Variants in RANBP2 observed in about 807,000 individuals in gnomAD.
RANBP2 encodes the protein E3 SUMO-protein ligase RanBP2.
RANBP2 carries 57 observed loss-of-function variants against 303.6 expected under a neutral mutation model. That is an observed-to-expected ratio of 0.19 (90% CI 0.15 to 0.23). RANBP2 has a LOEUF of 0.23. RANBP2 is among the 10% of genes least tolerant of loss of function. The probability of loss-of-function intolerance (pLI) is 1.00; values close to 1 mark genes in which losing one functional copy is unlikely to be tolerated. For synonymous variants in RANBP2, 1,167 were observed against 1,301.5 expected, an observed-to-expected ratio of 0.90 and a Z score of 2.23; for missense variants, 3,138 against 3,780.8, an observed-to-expected ratio of 0.83 and a Z score of 4.46.
the RANBP2 span, among the ~76,000 whole-genome samples, chr2:109,403,406 C>T: frequency 6.6e-6 from 1 of 152,208 alleles, no homozygotes; most frequent in Non-Finnish European, 1.5e-5. Flanking sequence ...TCATTGTTTC[C>T]ACTTCAGAGA....
chr2:108,721,256 T>A (rs1019882737), intron 1 of RANBP2, among the ~76,000 whole-genome samples: 2 of 152,132 alleles, frequency 1.3e-5, no homozygotes, highest in Non-Finnish European at 2.9e-5. Context: ...TGGGTCTGAT[T>A]TAGTTTCTCT....
At chr2:109,136,167 G>A in the RANBP2 span, among the ~76,000 whole-genome samples, 2 of 151,980 alleles carry the variant, frequency 1.3e-5, no homozygotes, top group Admixed American at 6.6e-5. Context: ...GTGCATTTCC[G>A]TTTGATCTGT....
the RANBP2 span, among the ~76,000 whole-genome samples, chr2:109,247,048 TCACAA>T: frequency 6.3e-4 from 96 of 152,342 alleles, no homozygotes; most frequent in Non-Finnish European, 1.1e-3. Context: ...TTTCCTGTAG[TCACAA>T]CTACATTCAA....
At chr2:109,441,591 G>A in the RANBP2 span, among the ~76,000 whole-genome samples, 1 of 152,212 alleles carries the variant, frequency 6.6e-6, no homozygotes, top group Non-Finnish European at 1.5e-5. Context: ...GTAATTGGAG[G>A]TCTCCAATGT....
At chr2:108,876,214 A>T in the RANBP2 span, 15 of 1,613,052 alleles carry the variant, frequency 9.3e-6, no homozygotes, top group Non-Finnish European at 1.3e-5. Context: ...ATCTGGGTTT[A>T]ACAAAATGTA....
chr2:108,882,317 CA>C, the RANBP2 span: 1 of 152,108 alleles, frequency 6.6e-6, no homozygotes, highest in East Asian at 1.9e-4. Flanking sequence ...AGGGTTGCCA[CA>C]AATCTTCAAT....
the RANBP2 span, among the ~76,000 whole-genome samples, chr2:109,765,326 A>G: frequency 1.3e-5 from 2 of 149,244 alleles, 1 homozygote; most frequent in South Asian, 4.4e-4. Flanking sequence ...GCATCATGAA[A>G]TAACGCTTAT....
the RANBP2 span, among the ~76,000 whole-genome samples, chr2:109,403,264 C>T: frequency 2.0e-5 from 3 of 152,186 alleles, no homozygotes; most frequent in South Asian, 2.1e-4. Flanking sequence ...GTTAGGGGTG[C>T]GTCTGTAGTT....
At chr2:109,644,132 CAAAAAAACA>C in the RANBP2 span, among the ~76,000 whole-genome samples, 1 of 49,342 alleles carries the variant, frequency 2.0e-5, no homozygotes, top group Non-Finnish European at 5.2e-5. Context: ...AAAAAAAAAA[CAAAAAAACA>C]AAAAAAAACT....
the RANBP2 span, among the ~76,000 whole-genome samples, chr2:109,084,287 G>A: frequency 2.2e-4 from 34 of 152,328 alleles, no homozygotes; most frequent in African/African-American, 4.6e-4. Flanking sequence ...TGTTGAGACC[G>A]AAAAACATCT....
chr2:109,305,663 C>T, the RANBP2 span, among the ~76,000 whole-genome samples: 2 of 152,220 alleles, frequency 1.3e-5, no homozygotes, highest in Non-Finnish European at 2.9e-5. Flanking sequence ...TCAGCATTCG[C>T]TCAGTTCCAC....
the RANBP2 span, among the ~76,000 whole-genome samples, chr2:109,372,961 A>T: frequency 6.6e-6 from 1 of 152,234 alleles, no homozygotes; most frequent in African/African-American, 2.4e-5. Context: ...TTAGCTTAGC[A>T]TTCAAAGCCC....
the RANBP2 span, among the ~76,000 whole-genome samples, chr2:109,253,628 G>T: frequency 3.3e-5 from 5 of 152,154 alleles, no homozygotes; most frequent in East Asian, 9.7e-4. Context: ...GCCTGTGCTT[G>T]GGGCTGTGCT....
At chr2:109,565,262 C>T in the RANBP2 span, among the ~76,000 whole-genome samples, 1 of 151,966 alleles carries the variant, frequency 6.6e-6, no homozygotes, top group Non-Finnish European at 1.5e-5. Context: ...GTAATCTATT[C>T]ACCATTAATT....
chr2:109,413,927 C>T, the RANBP2 span, among the ~76,000 whole-genome samples: 1 of 152,262 alleles, frequency 6.6e-6, no homozygotes, highest in Non-Finnish European at 1.5e-5. Context: ...CAGGGGCAGT[C>T]ACCTGCCCCA....
chr2:109,644,680 C>CTCTTTATCCCCAAGGGCA, the RANBP2 span, among the ~76,000 whole-genome samples: 6 of 152,150 alleles, frequency 3.9e-5, no homozygotes, highest in Non-Finnish European at 5.9e-5. Context: ...ATGTGAAACA[C>CTCTTTATCCCCAAGGGCA]TGTTTTCCCG....
chr2:109,465,036 T>G, the RANBP2 span, among the ~76,000 whole-genome samples: 1 of 152,248 alleles, frequency 6.6e-6, no homozygotes, highest in Non-Finnish European at 1.5e-5. Flanking sequence ...AGATTTGCCT[T>G]TTCTAGATTG....
At chr2:108,790,559 G>A (rs1032025519), downstream of RANBP2, among the ~76,000 whole-genome samples, 8 of 151,910 alleles carry the variant, frequency 5.3e-5, no homozygotes, top group African/African-American at 1.5e-4. Flanking sequence ...AAAATTAGCC[G>A]GGCATGGTGG....
chr2:109,240,099 G>C, the RANBP2 span, among the ~76,000 whole-genome samples: 2 of 152,184 alleles, frequency 1.3e-5, no homozygotes, highest in Non-Finnish European at 2.9e-5. Flanking sequence ...GTATTGCATA[G>C]TGGGTGAACC....
Sources: gnomAD v4.1 joint callset for allele counts (sites outside exome capture counted in the v4.1 genomes callset) on GRCh38, gnomAD v4.1.1 for gene constraint, MANE v1.5 for transcripts, NCBI Gene and HGNC (gene_info 2026-07-23, HGNC 2026-07-21) for gene names.